RNF220: variants seen among roughly 807,000 people sequenced by gnomAD.
RNF220 encodes E3 ubiquitin-protein ligase RNF220.
A neutral mutation model predicts 67.1 loss-of-function variants in RNF220; 7 were observed. That is an observed-to-expected ratio of 0.10 (90% confidence interval 0.06 to 0.20). RNF220 has a LOEUF of 0.20. RNF220 is among the 10% of genes least tolerant of loss of function. The pLI, the probability that RNF220 is intolerant of heterozygous loss-of-function variation, is 1.00. For missense variants in RNF220, 565 were observed against 740.3 expected, an observed-to-expected ratio of 0.76 and a Z score of 2.75; for synonymous variants, 270 against 283.2, an observed-to-expected ratio of 0.95 and a Z score of 0.47.
At chr1:44,518,061 C>T (rs1277912072) in intron 2 of RNF220, among the ~76,000 whole-genome samples, 7 of 151,958 alleles carry the variant, frequency 4.6e-5, no homozygotes, top group Middle Eastern at 3.2e-3. Context: ...GAGTGGAGAT[C>T]GTGCCACTGC....
At chr1:44,431,600 A>G (rs751257987) in intron 2 of RNF220, among the ~76,000 whole-genome samples, 1 of 151,798 alleles carries the variant, frequency 6.6e-6, no homozygotes, top group African/African-American at 2.4e-5. Context: ...ATGGAATTCC[A>G]TTTAACCAGC....
At chr1:44,603,215 G>A (rs927976104) in intron 2 of RNF220, among the ~76,000 whole-genome samples, 15 of 152,222 alleles carry the variant, frequency 9.9e-5, no homozygotes, top group African/African-American at 3.6e-4. Context: ...TATCTGGCAC[G>A]TTGATGCAGT....
intron 2 of RNF220, among the ~76,000 whole-genome samples, chr1:44,519,714 G>A (rs553620608): frequency 6.6e-6 from 1 of 152,328 alleles, no homozygotes; most frequent in South Asian, 2.1e-4. Context: ...ATCTCTCCAT[G>A]TAGAGAGAAG....
At chr1:44,479,088 C>T (rs1655555948) in intron 2 of RNF220, among the ~76,000 whole-genome samples, 1 of 151,738 alleles carries the variant, frequency 6.6e-6, no homozygotes, top group South Asian at 2.1e-4. Context: ...CAGTCTTTCA[C>T]CAATACAGCT....
chr1:44,525,216 C>G (rs958300951), intron 2 of RNF220, among the ~76,000 whole-genome samples: 8 of 152,196 alleles, frequency 5.3e-5, no homozygotes, highest in African/African-American at 1.9e-4. Context: ...CTACTGGTCA[C>G]CAGCCGTGTC....
chr1:44,454,750 T>C (rs1653014824), intron 2 of RNF220, among the ~76,000 whole-genome samples: 1 of 152,074 alleles, frequency 6.6e-6, no homozygotes, highest in South Asian at 2.1e-4. Context: ...CAAATACATA[T>C]AATCATTTAA....
chr1:44,434,576 G>A (rs1211821280), intron 2 of RNF220, among the ~76,000 whole-genome samples: 1 of 151,926 alleles, frequency 6.6e-6, no homozygotes, highest in Non-Finnish European at 1.5e-5. Context: ...AATTAGCCAG[G>A]CATGGTGGTG....
rs778076354 is a variant in RNF220 at position 44,412,646 on chromosome 1, G to C, written c.549G>C (p.Gly183=). ...SPGSLKVDDT[G]KKIFAVSGLI... ...GTTCACTAAAGGTTGATGACACTGG[G>C]AAGAAGATTTTTGCTGTCTCTGGCC... Residue 183 remains glycine, a synonymous_variant, in exon 2 of 15, where the codon GGG becomes GGC. Transcript: ENST00000361799. The surrounding 1 kb of genome is among the most constrained non-coding windows in gnomAD (Gnocchi z 5.3). 1 of 1,614,140 alleles carries C rather than the reference G, an allele frequency of 6.2e-7. No individual in the cohort carries two copies.
chr1:44,504,420 AC>A (rs2148100492), intron 2 of RNF220, among the ~76,000 whole-genome samples: 1 of 152,122 alleles, frequency 6.6e-6, no homozygotes, highest in African/African-American at 2.4e-5. Context: ...CTGGGCCCTG[AC>A]CCTTCTGAGC....
At chr1:44,597,555 C>T (rs574784736) in intron 2 of RNF220, among the ~76,000 whole-genome samples, 10 of 151,296 alleles carry the variant, frequency 6.6e-5, no homozygotes, top group African/African-American at 1.7e-4. Flanking sequence ...CCCTCCCTCC[C>T]ATCCACACCT....
intron 2 of RNF220, among the ~76,000 whole-genome samples, chr1:44,413,273 A>G (rs1193273958): frequency 1.3e-5 from 2 of 152,090 alleles, no homozygotes; most frequent in Non-Finnish European, 2.9e-5. Flanking sequence ...AGCATTTCAC[A>G]CAGCTGTGTT....
chr1:44,640,728 G>A (rs372654582), intron 8 of RNF220, among the ~76,000 whole-genome samples: 41 of 152,300 alleles, frequency 2.7e-4, no homozygotes, highest in East Asian at 9.6e-4. Context: ...TGATTGTCCC[G>A]CATCGCAGCT....
chr1:44,562,595 T>G (rs1159481435), intron 2 of RNF220, among the ~76,000 whole-genome samples: 1 of 152,186 alleles, frequency 6.6e-6, no homozygotes, highest in Non-Finnish European at 1.5e-5. Flanking sequence ...ACCATTTCAG[T>G]GTCTGCCTCA....
intron 2 of RNF220, among the ~76,000 whole-genome samples, chr1:44,443,765 A>G (rs1651795498): frequency 6.6e-6 from 1 of 152,178 alleles, no homozygotes; most frequent in Non-Finnish European, 1.5e-5. Flanking sequence ...AAATTATATG[A>G]TGAACACTCA....
In RNF220 at chr1:44,573,432, G is replaced by C. The variant is rs572565121; in HGVS notation, c.626-40733G>C. ...AGCTATCAGTCCATGAGGACACCGG[G>C]CTAGAAAGAAGAGAAGAGACCAGAA... On this transcript the variant is annotated intron_variant, in intron 2 of 14. Transcript: ENST00000361799. Among the ~76,000 whole-genome samples the C allele has an allele frequency of 3.3e-5, 5 of 152,318 alleles. No homozygotes were observed. In the East Asian group the frequency reaches 9.6e-4, roughly 29 times the overall value.
chr1:44,574,787 C>T (rs914084726), intron 2 of RNF220, among the ~76,000 whole-genome samples: 2 of 152,130 alleles, frequency 1.3e-5, no homozygotes, highest in African/African-American at 2.4e-5. Context: ...TCTGTGCTTC[C>T]TCAGCCGCCT....
chr1:44,636,285 A>G lies in RNF220; in HGVS notation c.1126+123A>G. The G allele has an allele frequency of 4.6e-6, 6 of 1,304,936 alleles. No individual in the cohort carries two copies. In the East Asian group the frequency reaches 1.2e-4, roughly 26 times the overall value. 80.8% of individuals were successfully genotyped at this position (1,304,936 alleles called of 1,614,324 possible). A position where few individuals can be genotyped will look rare whatever the true frequency, so the allele number is the denominator to read the frequency against. On this transcript the variant is annotated intron_variant, in intron 8 of 14. Coordinates refer to ENST00000361799, the MANE Select transcript of RNF220 (RefSeq NM_018150.4). Reference sequence around the variant, plus strand: ...CATCCATCCGTTCCACCACGTGGGGACTGCTGCTGGTGGGGCTCCTTTGTG... The same window carrying G: ...CATCCATCCGTTCCACCACGTGGGGGCTGCTGCTGGTGGGGCTCCTTTGTG...
chr1:44,480,624 G>A (rs1361431139), intron 2 of RNF220, among the ~76,000 whole-genome samples: 1 of 152,106 alleles, frequency 6.6e-6, no homozygotes, highest in East Asian at 1.9e-4. Flanking sequence ...AAAATGGGCC[G>A]GGGGCAGTGG....
intron 2 of RNF220, among the ~76,000 whole-genome samples, chr1:44,595,978 A>G (rs375924095): frequency 1.3e-5 from 2 of 151,972 alleles, no homozygotes; most frequent in African/African-American, 4.8e-5. Context: ...GTTAGCCAGG[A>G]TGGTCTCGAT....
Sources: gnomAD v4.1 joint callset for allele counts (sites outside exome capture counted in the v4.1 genomes callset) on GRCh38, gnomAD v4.1.1 for gene constraint, Gnocchi (gnomAD v3.1) non-coding constraint, MANE v1.5 for transcripts, NCBI Gene and HGNC (gene_info 2026-07-23, HGNC 2026-07-21) for gene names.